Variants in RAB7A observed in about 807,000 individuals in gnomAD.
The protein encoded by RAB7A is ras-related protein Rab-7a.
A neutral mutation model predicts 24.5 loss-of-function variants in RAB7A; 2 were observed. The observed-to-expected ratio is 0.08, with a 90% CI of 0.03 to 0.26. RAB7A has a LOEUF of 0.26. Among genes scored for constraint, RAB7A ranks in the 10% least tolerant of loss-of-function variants. The pLI, the probability that RAB7A is intolerant of heterozygous loss-of-function variation, is 1.00. For missense variants in RAB7A, 118 were observed against 255.7 expected (o/e 0.46, Z 3.67); for synonymous variants, 100 against 95.9 (o/e 1.04, Z -0.25).
intron 1 of RAB7A, among the ~76,000 whole-genome samples, chr3:128,765,709 G>A (rs1177494414): frequency 6.6e-6 from 1 of 151,522 alleles, no homozygotes; most frequent in Admixed American, 6.6e-5. Context: ...CATTCACAAG[G>A]TCCCTGCCCT....
chr3:128,780,475 A>T (rs147937626), intron 1 of RAB7A, among the ~76,000 whole-genome samples: 1 of 152,164 alleles, frequency 6.6e-6, no homozygotes, highest in East Asian at 1.9e-4. Flanking sequence ...ACAGGACACA[A>T]TCTTGTACTT....
chr3:128,742,751 A>T (rs1306046768), intron 1 of RAB7A, among the ~76,000 whole-genome samples: 1 of 151,936 alleles, frequency 6.6e-6, no homozygotes, highest in Non-Finnish European at 1.5e-5. Context: ...AGGTTCTCCA[A>T]GTCCCCACTA....
At chr3:128,761,588 A>G (rs1001997309) in intron 1 of RAB7A, among the ~76,000 whole-genome samples, 1 of 152,176 alleles carries the variant, frequency 6.6e-6, no homozygotes, top group African/African-American at 2.4e-5. Flanking sequence ...CTTATGTACC[A>G]AGGTCTGTGT....
At chr3:128,755,598 G>A (rs868009925) in intron 1 of RAB7A, among the ~76,000 whole-genome samples, 13 of 152,154 alleles carry the variant, frequency 8.5e-5, no homozygotes, top group East Asian at 1.9e-4. Context: ...GACTAGGCCC[G>A]AGATGAGAAT....
intron 1 of RAB7A, chr3:128,764,448 G>C (rs1355841135): frequency 1.3e-6 from 1 of 757,704 alleles, no homozygotes; most frequent in East Asian, 2.4e-5. Context: ...CATGGCTATG[G>C]GGAAATTAGC....
chr3:128,751,310 A>C (rs1362355522), intron 1 of RAB7A, among the ~76,000 whole-genome samples: 1 of 152,160 alleles, frequency 6.6e-6, no homozygotes, highest in African/African-American at 2.4e-5. Flanking sequence ...ACAGATACTC[A>C]ACACCAGCCT....
At chr3:128,812,667 A>G (rs561815714) in intron 5 of RAB7A, among the ~76,000 whole-genome samples, 55 of 152,386 alleles carry the variant, frequency 3.6e-4, no homozygotes, top group Admixed American at 2.6e-3. Flanking sequence ...AAATGACCAT[A>G]GTCCATGTGC....
At chr3:128,775,482 G>A (rs576909802) in intron 1 of RAB7A, among the ~76,000 whole-genome samples, 1 of 151,828 alleles carries the variant, frequency 6.6e-6, no homozygotes, top group Non-Finnish European at 1.5e-5. Flanking sequence ...TTCCTGATTT[G>A]AGAACTCTGG....
At chr3:128,800,544 A>G (rs1933676628) in intron 3 of RAB7A, among the ~76,000 whole-genome samples, 1 of 152,244 alleles carries the variant, frequency 6.6e-6, no homozygotes, top group Non-Finnish European at 1.5e-5. Flanking sequence ...CAAGAAGCCC[A>G]AATTCCAGGA....
intron 5 of RAB7A, among the ~76,000 whole-genome samples, chr3:128,810,931 G>T (rs1933911225): frequency 6.6e-6 from 1 of 152,076 alleles, no homozygotes; most frequent in Non-Finnish European, 1.5e-5. Context: ...GTGGGCACCT[G>T]TAATCCCAGC....
At chr3:128,732,986 T>C (rs565273094) in intron 1 of RAB7A, among the ~76,000 whole-genome samples, 1 of 152,346 alleles carries the variant, frequency 6.6e-6, no homozygotes, top group Admixed American at 6.5e-5. Context: ...TTCAAATGTT[T>C]GTTGGTAACG....
chr3:128,798,316 G>T, intron 3 of RAB7A: 2 of 435,380 alleles, frequency 4.6e-6, no homozygotes, highest in Non-Finnish European at 8.3e-6. Context: ...AAAAAACTCA[G>T]ATTTATCCTT....
At chr3:128,741,392 A>T (rs1187598097) in intron 1 of RAB7A, among the ~76,000 whole-genome samples, 1 of 152,126 alleles carries the variant, frequency 6.6e-6, no homozygotes, top group Non-Finnish European at 1.5e-5. Context: ...TCTTCTAGTA[A>T]TTCTAGCACT....
Position 128,813,535 on chromosome 3 carries a change from C to G in RAB7A, c.*113C>G. ...AAAACATACATTGATCTCTCACATC[C>G]AGCTGCCAAAAGAAAACCCCATCAA... On this transcript the variant is annotated 3_prime_UTR_variant, in exon 6 of 6. Transcript: ENST00000265062. 1.9e-6 allele frequency: 2 copies of G among 1,027,846 alleles called. No homozygotes were observed. Among genetic ancestry groups the G allele is most frequent in the Admixed American group, 3.8e-5 (2 of 53,316 alleles). 63.7% of individuals were successfully genotyped at this position (1,027,846 alleles called of 1,614,324 possible). A position where few individuals can be genotyped will look rare whatever the true frequency, so the allele number is the denominator to read the frequency against.
chr3:128,780,798 T>A (rs1933202500), intron 1 of RAB7A, among the ~76,000 whole-genome samples: 1 of 152,228 alleles, frequency 6.6e-6, no homozygotes, highest in South Asian at 2.1e-4. Flanking sequence ...GCCTATGTGG[T>A]CACTGCAAAA....
intron 1 of RAB7A, among the ~76,000 whole-genome samples, chr3:128,741,657 T>G (rs536874272): frequency 1.3e-5 from 2 of 151,924 alleles, no homozygotes; most frequent in African/African-American, 4.8e-5. Context: ...GTGCTGGGAT[T>G]ACAGGCATGA....
chr3:128,804,120 C>G (rs1335257915), intron 3 of RAB7A, among the ~76,000 whole-genome samples: 1 of 151,112 alleles, frequency 6.6e-6, no homozygotes, highest in Non-Finnish European at 1.5e-5. Context: ...CTGGGCCCCC[C>G]CCCGCCCCCA....
At chr3:128,729,427 G>A (rs545988493) in intron 1 of RAB7A, among the ~76,000 whole-genome samples, 17 of 152,100 alleles carry the variant, frequency 1.1e-4, no homozygotes, top group African/African-American at 3.6e-4. Flanking sequence ...AAAATTAGCC[G>A]GGCGTGGTGG....
At chr3:128,812,156 G>A (rs1304294544) in intron 5 of RAB7A, among the ~76,000 whole-genome samples, 1 of 152,132 alleles carries the variant, frequency 6.6e-6, no homozygotes, top group African/African-American at 2.4e-5. Flanking sequence ...ACCCAGCAAA[G>A]CTATTAGGAG....
Sources: gnomAD v4.1 joint callset for allele counts (sites outside exome capture counted in the v4.1 genomes callset) on GRCh38, gnomAD v4.1.1 for gene constraint, MANE v1.5 for transcripts, NCBI Gene and HGNC (gene_info 2026-07-23, HGNC 2026-07-21) for gene names.